Variants in COL11A1 observed in about 807,000 individuals in gnomAD.
COL11A1 encodes collagen type XI alpha 1 chain, also known as collagen alpha-1(XI) chain.
Under a neutral mutation model 265.2 loss-of-function variants are expected in COL11A1, and 74 were observed. The ratio of observed to expected loss-of-function variants is 0.28; its 90% confidence interval spans 0.23 to 0.34. The LOEUF (loss-of-function observed/expected upper bound fraction) is 0.34. Among genes scored for constraint, COL11A1 ranks in the 10% least tolerant of loss-of-function variants. The pLI, the probability that COL11A1 is intolerant of heterozygous loss-of-function variation, is 1.00. For synonymous variants in COL11A1, 816 were observed against 727.6 expected (o/e 1.12, Z -1.96); for missense variants, 2,165 against 2,263.6 (o/e 0.96, Z 0.88).
chr1:103,040,968 C>T (rs1571124618), intron 4 of COL11A1, among the ~76,000 whole-genome samples: 1 of 151,572 alleles, frequency 6.6e-6, no homozygotes. Flanking sequence ...ATGATAAATT[C>T]TTAATCAGTA....
chr1:102,956,879 T>C (rs1293692832), intron 41 of COL11A1, among the ~76,000 whole-genome samples: 1 of 146,078 alleles, frequency 6.8e-6, no homozygotes, highest in East Asian at 2.0e-4. Context: ...TCAAACTGAC[T>C]AAAAAAAAAA....
At chr1:102,952,329 C>T (rs1659970696) in intron 41 of COL11A1, among the ~76,000 whole-genome samples, 1 of 152,176 alleles carries the variant, frequency 6.6e-6, no homozygotes, top group African/African-American at 2.4e-5. Flanking sequence ...GATCTCTTGA[C>T]CTCGTGATCC....
chr1:102,989,725 C>A (rs1200681252), intron 28 of COL11A1, among the ~76,000 whole-genome samples, 154 bp from the exon 29 acceptor site: 1 of 152,046 alleles, frequency 6.6e-6, no homozygotes, highest in Non-Finnish European at 1.5e-5. Flanking sequence ...CCTTTTCCAA[C>A]TCCAGCCACA....
chr1:103,076,770 C>T lies in COL11A1; in HGVS notation c.488+1888G>A, dbSNP rs758295275. On this transcript the variant is annotated intron_variant, in intron 3 of 66. Transcript: ENST00000370096. ...TTCGTTCAAAGAACTATCAGCACTTCGCATATTTAAGCTCCAGGAGTGGAG... is the reference window on the plus strand; with the variant it reads ...TTCGTTCAAAGAACTATCAGCACTTTGCATATTTAAGCTCCAGGAGTGGAG... Among the ~76,000 whole-genome samples, 9 of 152,212 alleles carry T rather than the reference C, an allele frequency of 5.9e-5. No individual in the cohort carries two copies. In the East Asian group the frequency reaches 7.7e-4, roughly 13 times the overall value.
At chr1:102,902,724 C>A (rs114397404) in intron 54 of COL11A1, among the ~76,000 whole-genome samples, 1 of 151,334 alleles carries the variant, frequency 6.6e-6, no homozygotes, top group South Asian at 2.1e-4. Flanking sequence ...TACTTTCTAT[C>A]TATACATTTA....
At chr1:102,996,670 A>G (rs1664662103) in intron 26 of COL11A1, among the ~76,000 whole-genome samples, 1 of 151,952 alleles carries the variant, frequency 6.6e-6, no homozygotes, top group Admixed American at 6.6e-5. Context: ...ATATGCACAT[A>G]TTACATTTCA....
rs1035860788 is a variant in COL11A1 at position 102,913,709 on chromosome 1, T to C, written c.3979-19A>G. Reference sequence around the variant, plus strand: ...CTTGACCCTATAAGAGGCAATAAAATATGAAGCAAGATATATCTCAGTATC... The same window carrying C: ...CTTGACCCTATAAGAGGCAATAAAACATGAAGCAAGATATATCTCAGTATC... On this transcript the variant is annotated intron_variant, in intron 52 of 66. Coordinates refer to ENST00000370096, the MANE Select transcript of COL11A1 (RefSeq NM_001854.4). 20 of 1,610,456 alleles carry C rather than the reference T, an allele frequency of 1.2e-5. No homozygotes were observed. The highest frequency in any genetic ancestry group is 4.5e-5 in the East Asian group (2 of 44,750).
intron 11 of COL11A1, among the ~76,000 whole-genome samples, chr1:103,017,048 T>C (rs1234887930): frequency 2.0e-5 from 3 of 151,984 alleles, no homozygotes; most frequent in Non-Finnish European, 2.9e-5. Context: ...TACACATAAA[T>C]GTCTCCAAGA....
chr1:103,012,216 A>T (rs1359811901), intron 14 of COL11A1, among the ~76,000 whole-genome samples, 197 bp downstream of exon 14: 3 of 152,166 alleles, frequency 2.0e-5, no homozygotes, highest in Non-Finnish European at 4.4e-5. Flanking sequence ...TCAATTTAAA[A>T]TTTTTTACTG....
At position 103,078,675 on chromosome 1, in the gene COL11A1, A is replaced by T. The variant is rs762309313; in HGVS notation, c.471T>A (p.Val157=). ...TTACTTACTTCCCGTCAGCGATGTT[A>T]ACAGTTCTGAAGAGGGGATAGTCTT... The part of the protein sequence containing the change: ...APEDYPLFRT[V]NIADGKWHRV... The change falls in exon 3 of 67, where the codon GTT becomes GTA. Residue 157 remains valine, a synonymous_variant. Coordinates refer to ENST00000370096, the MANE Select transcript of COL11A1 (RefSeq NM_001854.4). The T allele has an allele frequency of 6.2e-7, 1 of 1,613,318 alleles. No individual in the cohort carries two copies.
At chr1:102,998,393 A>T (rs1321036068) in intron 24 of COL11A1, 30 bp from the exon 25 acceptor site, 1 of 1,477,410 alleles carries the variant, frequency 6.8e-7, no homozygotes, top group Non-Finnish European at 9.1e-7. Context: ...TATTAAAAAG[A>T]TAAAAATAAT....
chr1:102,923,980 G>T (rs1418865642), intron 46 of COL11A1, among the ~76,000 whole-genome samples: 1 of 151,356 alleles, frequency 6.6e-6, no homozygotes, highest in East Asian at 1.9e-4. Flanking sequence ...AGGCTGAGGC[G>T]GGCGGATCAC....
chr1:103,055,236 C>A (rs888684525), intron 4 of COL11A1, among the ~76,000 whole-genome samples: 9 of 152,156 alleles, frequency 5.9e-5, no homozygotes, highest in African/African-American at 1.9e-4. Context: ...TCAACCATAC[C>A]TGTACTTGTT....
rs780360994 is a variant in COL11A1 at position 103,017,862 on chromosome 1, A to C, written c.1371T>G (p.Gly457=). 40 of 1,613,104 alleles carry C rather than the reference A, an allele frequency of 2.5e-5. No individual in the cohort carries two copies. The South Asian group carries it at 4.2e-4, about 17-fold the overall frequency. The change falls in exon 11 of 67, where the codon GGT becomes GGG. Residue 457 remains glycine (G), a synonymous_variant. Transcript: ENST00000370096. ...CAGGGGGTCCAGTGGGGCCTTGTAGACCTGGAGGACCCATAATACCCTATA... is the reference window on the plus strand; with the variant it reads ...CAGGGGGTCCAGTGGGGCCTTGTAGCCCTGGAGGACCCATAATACCCTATA... The part of the protein sequence containing the change: ...AGPAGIMGPP[G]LQGPTGPPGD...
chr1:103,018,882 C>A (rs745485261), intron 9 of COL11A1, 23 bp from the exon 10 acceptor site: 1 of 1,606,570 alleles, frequency 6.2e-7, no homozygotes, highest in Non-Finnish European at 8.5e-7. Flanking sequence ...AAGAGAACAT[C>A]TCTACCAGGG....
chr1:103,074,588 T>C, intron 4 of COL11A1, 30 bp downstream of exon 4: 1 of 1,610,750 alleles, frequency 6.2e-7, no homozygotes, highest in Non-Finnish European at 8.5e-7. Context: ...GATTTGTCAA[T>C]ATTCAGCTTA....
chr1:103,015,065 T>G (rs1401345375), intron 12 of COL11A1, among the ~76,000 whole-genome samples: 1 of 152,106 alleles, frequency 6.6e-6, no homozygotes, highest in East Asian at 1.9e-4. Flanking sequence ...TCTTAAGTAC[T>G]TATGTTATAA....
chr1:103,107,010 C>T (rs1674744476), intron 1 of COL11A1, among the ~76,000 whole-genome samples: 1 of 152,186 alleles, frequency 6.6e-6, no homozygotes, highest in African/African-American at 2.4e-5. Context: ...TTGCTTTCTA[C>T]TCTAAGCTGT....
At chr1:102,914,287 T>G in intron 52 of COL11A1, 65 bp downstream of exon 52, 1 of 1,282,658 alleles carries the variant, frequency 7.8e-7, no homozygotes, top group Non-Finnish European at 1.1e-6. Flanking sequence ...TTTTTCTTTA[T>G]TAACAATACA....
Sources: gnomAD v4.1 joint callset for allele counts (sites outside exome capture counted in the v4.1 genomes callset) on GRCh38, gnomAD v4.1.1 for gene constraint, MANE v1.5 for transcripts, NCBI Gene and HGNC (gene_info 2026-07-23, HGNC 2026-07-21) for gene names.